Variants in ZNF420 observed in about 807,000 individuals in gnomAD.
ZNF420 encodes zinc finger protein 420.
Under a neutral mutation model 44.7 loss-of-function variants are expected in ZNF420, and 31 were observed. The observed-to-expected ratio is 0.69, with a 90% confidence interval of 0.52 to 0.94. The LOEUF (loss-of-function observed/expected upper bound fraction) is 0.94. ZNF420 is among the 40% of genes least tolerant of loss of function. ZNF420 has a pLI of 0.00. For synonymous variants in ZNF420, 245 were observed against 267.4 expected, an observed-to-expected ratio of 0.92 and a Z score of 0.82; for missense variants, 681 against 827.9, an observed-to-expected ratio of 0.82 and a Z score of 2.18.
At chr19:37,095,110 A>G (rs1599667988) in intron 4 of ZNF420, among the ~76,000 whole-genome samples, 1 of 148,886 alleles carries the variant, frequency 6.7e-6, no homozygotes, top group Admixed American at 6.7e-5. Context: ...CAGCCTAGTG[A>G]TAGAGAGAGA....
intron 1 of ZNF420, among the ~76,000 whole-genome samples, chr19:37,055,600 C>T (rs994852582): frequency 2.0e-5 from 3 of 152,212 alleles, no homozygotes; most frequent in African/African-American, 7.2e-5. Flanking sequence ...AAGCACGAGT[C>T]GGCTTAGGCA....
At chr19:37,019,039 AAAG>A (rs1164984324) in intron 1 of ZNF420, among the ~76,000 whole-genome samples, 1 of 152,220 alleles carries the variant, frequency 6.6e-6, no homozygotes, top group Non-Finnish European at 1.5e-5. Context: ...GAAAAGTAAA[AAAG>A]AAGTGTGAAT....
intron 4 of ZNF420, 71 bp downstream of exon 4, chr19:37,091,192 T>G: frequency 7.1e-7 from 1 of 1,414,072 alleles, no homozygotes; most frequent in Non-Finnish European, 9.4e-7. Context: ...TTATTTCAAA[T>G]TTCCTTTTTA....
intron 1 of ZNF420, among the ~76,000 whole-genome samples, chr19:37,032,386 T>A (rs1480824058): frequency 1.3e-5 from 2 of 150,188 alleles, no homozygotes; most frequent in African/African-American, 4.9e-5. Flanking sequence ...GCACCTGTAA[T>A]CCCAGGTACT....
intron 1 of ZNF420, among the ~76,000 whole-genome samples, chr19:37,012,358 G>A (rs553888205): frequency 1.3e-5 from 2 of 152,330 alleles, no homozygotes; most frequent in South Asian, 4.1e-4. Flanking sequence ...ACAGATTCTC[G>A]TCACAGTGAT....
intron 1 of ZNF420, among the ~76,000 whole-genome samples, chr19:37,035,996 G>A (rs1288580516): frequency 6.6e-6 from 1 of 152,108 alleles, no homozygotes; most frequent in Admixed American, 6.6e-5. Context: ...CCCACTCTAA[G>A]CCCATGGTTC....
Position 37,128,439 on chromosome 19 carries a change from C to T in ZNF420, c.1448C>T (p.Ser483Phe). Reference protein sequence around the residue: ...KPYECKECGKSFIRGSQLTQH... With the variant: ...KPYECKECGKFFIRGSQLTQH... ...TATGAATGTAAGGAATGTGGGAAATCTTTTATTCGTGGTTCCCAGCTTACT... is the reference window on the plus strand; with the variant it reads ...TATGAATGTAAGGAATGTGGGAAATTTTTTATTCGTGGTTCCCAGCTTACT... The change falls in exon 5 of 5, where the codon TCT (serine) becomes TTT (phenylalanine). Residue 483 changes from serine (S) to phenylalanine (F), a missense_variant. Ser to Phe is a radical substitution (Grantham distance 155, BLOSUM62 -2). This residue lies in a region of ZNF420 where 280 missense variants were observed against 338.6 expected (regional missense o/e 0.83). Transcript: ENST00000337995. 1.2e-6 allele frequency: 2 copies of T among 1,614,062 alleles called. No individual in the cohort carries two copies. Among genetic ancestry groups the T allele is most frequent in the Non-Finnish European group, 1.7e-6 (2 of 1,179,972 alleles).
At chr19:37,038,629 T>A (rs936068279) in intron 1 of ZNF420, among the ~76,000 whole-genome samples, 1 of 152,174 alleles carries the variant, frequency 6.6e-6, no homozygotes, top group Non-Finnish European at 1.5e-5. Context: ...CTTTGCTCAT[T>A]CATAATAAGC....
intron 1 of ZNF420, among the ~76,000 whole-genome samples, chr19:37,051,789 C>G (rs1401684036): frequency 1.3e-5 from 2 of 152,118 alleles, no homozygotes; most frequent in Non-Finnish European, 2.9e-5. Context: ...TCTTGCTTCT[C>G]TAGTTCTTTT....
chr19:37,082,638 TA>T (rs1968529545), intron 2 of ZNF420, among the ~76,000 whole-genome samples: 1 of 152,184 alleles, frequency 6.6e-6, no homozygotes, highest in African/African-American at 2.4e-5. Flanking sequence ...AGTTTCAAAA[TA>T]ACAATACCAA....
At chr19:37,117,289 G>A (rs1028592211) in intron 4 of ZNF420, among the ~76,000 whole-genome samples, 22 of 152,112 alleles carry the variant, frequency 1.4e-4, no homozygotes, top group Admixed American at 8.5e-4. Context: ...CAGCATTTGC[G>A]GTTCACGAAA....
chr19:37,115,880 G>T (rs996575942), intron 4 of ZNF420, among the ~76,000 whole-genome samples: 1 of 152,104 alleles, frequency 6.6e-6, no homozygotes, highest in Admixed American at 6.5e-5. Context: ...ACAGTGTATT[G>T]TGTCCCTGGG....
chr19:37,020,519 G>T (rs1231400218), intron 1 of ZNF420, among the ~76,000 whole-genome samples: 1 of 152,132 alleles, frequency 6.6e-6, no homozygotes, highest in Non-Finnish European at 1.5e-5. Flanking sequence ...CCCCTCTCAG[G>T]TTTATTTTCC....
chr19:37,118,013 T>C (rs1970793322), intron 4 of ZNF420, among the ~76,000 whole-genome samples: 1 of 152,106 alleles, frequency 6.6e-6, no homozygotes, highest in African/African-American at 2.4e-5. Context: ...TACCTCAAAG[T>C]GACAGGGAGA....
chr19:37,076,810 C>T (rs952237264), upstream of ZNF420, among the ~76,000 whole-genome samples: 5 of 152,106 alleles, frequency 3.3e-5, no homozygotes, highest in Non-Finnish European at 7.4e-5. Flanking sequence ...TCTTTGCTAT[C>T]GTGAATAGTG....
intron 1 of ZNF420, among the ~76,000 whole-genome samples, chr19:37,021,936 C>CAAAA (rs60559933): frequency 2.2e-4 from 19 of 84,586 alleles, no homozygotes; most frequent in Non-Finnish European, 2.9e-4. Context: ...CAGTCTGTCT[C>CAAAA]AAAAAAAAAA....
chr19:37,060,655 A>G (rs1305619288), intron 1 of ZNF420, among the ~76,000 whole-genome samples: 1 of 151,968 alleles, frequency 6.6e-6, no homozygotes, highest in Non-Finnish European at 1.5e-5. Flanking sequence ...CTTGGCTCCC[A>G]TACGTGTCTC....
chr19:37,123,949 T>C (rs1053887877), intron 4 of ZNF420, among the ~76,000 whole-genome samples: 1 of 152,176 alleles, frequency 6.6e-6, no homozygotes, highest in Non-Finnish European at 1.5e-5. Context: ...TGTCATATTT[T>C]ACCCACCATT....
At chr19:37,016,582 G>A (rs1322716445) in intron 1 of ZNF420, among the ~76,000 whole-genome samples, 1 of 152,160 alleles carries the variant, frequency 6.6e-6, no homozygotes, top group Non-Finnish European at 1.5e-5. Flanking sequence ...TATGGCCTTT[G>A]AGACACACTC....
Sources: gnomAD v4.1 joint callset for allele counts (sites outside exome capture counted in the v4.1 genomes callset) on GRCh38, gnomAD v4.1.1 for gene constraint, gnomAD v4.1.1 regional missense constraint, MANE v1.5 for transcripts, NCBI Gene and HGNC (gene_info 2026-07-23, HGNC 2026-07-21) for gene names.